C1orf202: variants seen among roughly 807,000 people sequenced by gnomAD.
The protein encoded by C1orf202 is chromosome 1 open reading frame 202.
At chr1:244,730,333 T>G in the C1orf202 span, 2 of 272,666 alleles carry the variant, frequency 7.3e-6, no homozygotes, top group South Asian at 1.6e-4. Flanking sequence ...CCCCCCAACA[T>G]TGCATGTGCT....
At chr1:244,730,467 G>A in the C1orf202 span, 1 of 344,862 alleles carries the variant, frequency 2.9e-6, no homozygotes, top group Admixed American at 4.8e-5. Flanking sequence ...GACCGGCGGC[G>A]GGGCTGGCGC....
chr1:244,730,935 G>A, the C1orf202 span: 3 of 383,530 alleles, frequency 7.8e-6, no homozygotes, highest in Non-Finnish European at 1.4e-5. Context: ...GCCCGCGCAG[G>A]CCTCTTCTCG....
chr1:244,730,831 C>T, the C1orf202 span: 1 of 379,126 alleles, frequency 2.6e-6, no homozygotes, highest in Non-Finnish European at 4.7e-6. Flanking sequence ...GATCCCCGCG[C>T]GGAGGGGGGC....
the C1orf202 span, chr1:244,730,190 A>C: frequency 0.55 from 116,429 of 212,174 alleles, 32,671 homozygotes; most frequent in Admixed American, 0.64. Context: ...AGCGGGGGGA[A>C]CCCAGGGCTC....
the C1orf202 span, chr1:244,730,041 TGG>T: frequency 3.0e-5 from 3 of 98,580 alleles, no homozygotes; most frequent in Non-Finnish European, 4.6e-5. Context: ...GCAACATAGT[TGG>T]TTTTTTTTTT....
chr1:244,730,173 A>C, the C1orf202 span: 1 of 209,144 alleles, frequency 4.8e-6, no homozygotes. Flanking sequence ...GCCCGCAGCA[A>C]CTGCGCAGCG....
chr1:244,730,805 C>T, the C1orf202 span: 1 of 377,484 alleles, frequency 2.6e-6, no homozygotes, highest in Non-Finnish European at 4.7e-6. Flanking sequence ...CACCGCGCGC[C>T]GCCCGACCGC....
the C1orf202 span, chr1:244,730,820 G>A: frequency 1.1e-5 from 4 of 378,402 alleles, no homozygotes; most frequent in African/African-American, 2.1e-5. Context: ...GACCGCCTCC[G>A]GATCCCCGCG....
the C1orf202 span, chr1:244,730,042 GGT>G: frequency 0.54 from 80,291 of 147,770 alleles, 22,369 homozygotes; most frequent in East Asian, 0.66. Flanking sequence ...CAACATAGTT[GGT>G]TTTTTTTTTT....
chr1:244,730,679 C>A, the C1orf202 span: 1 of 384,564 alleles, frequency 2.6e-6, no homozygotes, highest in Non-Finnish European at 4.6e-6. Context: ...CCACAGGCCG[C>A]GCTCCGGGGC....
At chr1:244,729,812 CTCCCCTG>C in the C1orf202 span, 1 of 152,142 alleles carries the variant, frequency 6.6e-6, no homozygotes, top group African/African-American at 2.4e-5. Flanking sequence ...GGTTTCCAAA[CTCCCCTG>C]TCCCACCCCC....
chr1:244,730,398 GAAAA>G, the C1orf202 span: 1 of 355,034 alleles, frequency 2.8e-6, no homozygotes, highest in African/African-American at 2.1e-5. Flanking sequence ...TGACCAAAAA[GAAAA>G]AAACAATCCT....
the C1orf202 span, among the ~76,000 whole-genome samples, chr1:244,729,735 A>C: frequency 2.6e-5 from 4 of 152,098 alleles, no homozygotes; most frequent in Non-Finnish European, 4.4e-5. Context: ...GAGGAAAAGG[A>C]AGACATTCAA....
At chr1:244,730,142 C>T in the C1orf202 span, 167 of 188,772 alleles carry the variant, frequency 8.8e-4, no homozygotes, top group African/African-American at 3.8e-3. Context: ...AGACAATCCG[C>T]CCCCGATTCA....
chr1:244,730,025 GC>G, the C1orf202 span: 7 of 149,284 alleles, frequency 4.7e-5, 1 homozygote, highest in South Asian at 1.3e-3. Flanking sequence ...TTTGAGTCCA[GC>G]CCGGGCAACA....
the C1orf202 span, chr1:244,730,686 G>A: frequency 5.2e-6 from 2 of 383,818 alleles, no homozygotes; most frequent in South Asian, 1.3e-4. Context: ...CCGCGCTCCG[G>A]GGCCTCCTTG....
At chr1:244,730,681 C>G in the C1orf202 span, 66,664 of 383,832 alleles carry the variant, frequency 0.17, 6,138 homozygotes, top group African/African-American at 0.27. Flanking sequence ...ACAGGCCGCG[C>G]TCCGGGGCCT....
chr1:244,730,184 G>A, the C1orf202 span: 114,601 of 211,706 alleles, frequency 0.54, 32,033 homozygotes, highest in Admixed American at 0.63. Context: ...CTGCGCAGCG[G>A]GGGGAACCCA....
At chr1:244,730,062 T>C in the C1orf202 span, 1 of 150,904 alleles carries the variant, frequency 6.6e-6, no homozygotes, top group South Asian at 2.1e-4. Context: ...TTTTTTCTCC[T>C]GTCTCAAAAA....
Sources: gnomAD v4.1 joint callset for allele counts (sites outside exome capture counted in the v4.1 genomes callset) on GRCh38, gnomAD v4.1.1 for gene constraint, MANE v1.5 for transcripts, NCBI Gene and HGNC (gene_info 2026-07-23, HGNC 2026-07-21) for gene names.